The following SIRPB2 variants were observed in gnomAD, a reference collection of about 807,000 sequenced individuals.
The protein encoded by SIRPB2 is signal regulatory protein beta 2, also known as signal-regulatory protein beta-2.
Under a neutral mutation model 27.1 loss-of-function variants are expected in SIRPB2, and 18 were observed. The observed-to-expected ratio is 0.66, with a 90% CI of 0.46 to 0.98. SIRPB2 has a LOEUF of 0.98. Ranked by LOEUF, SIRPB2 falls within the 50% of genes least tolerant of loss-of-function variation. The probability of loss-of-function intolerance (pLI) is 0.00; values close to 1 mark genes in which losing one functional copy is unlikely to be tolerated. For missense variants in SIRPB2, 420 were observed against 417.4 expected (o/e 1.01, Z -0.06); for synonymous variants, 150 against 164.6 (o/e 0.91, Z 0.68).
chr20:1,477,138 T>C, intron 4 of SIRPB2, 200 bp downstream of exon 4: 2 of 1,540,188 alleles, frequency 1.3e-6, no homozygotes, highest in South Asian at 1.2e-5. Flanking sequence ...GCCCTGGCTA[T>C]GAGAAAGTTC....
At chr20:1,488,761 C>T (rs553114849) in intron 1 of SIRPB2, among the ~76,000 whole-genome samples, 16 of 152,264 alleles carry the variant, frequency 1.1e-4, no homozygotes, top group East Asian at 1.9e-4. Flanking sequence ...CATCCTCCTA[C>T]ATTGCTGATG....
chr20:1,487,793 T>C (rs73071151), intron 1 of SIRPB2, among the ~76,000 whole-genome samples: 21 of 152,342 alleles, frequency 1.4e-4, no homozygotes, highest in Non-Finnish European at 3.1e-4. Flanking sequence ...CCATGGCTCC[T>C]AACTATAATT....
Position 1,476,018 on chromosome 20 carries a change from T to C in SIRPB2, c.*149A>G. 1 of 844,984 alleles carries C rather than the reference T, an allele frequency of 1.2e-6. No individual in the cohort carries two copies. The highest frequency in any genetic ancestry group is 1.8e-6 in the Non-Finnish European group (1 of 546,906). 52.3% of individuals were successfully genotyped at this position (844,984 alleles called of 1,614,324 possible). A position where few individuals can be genotyped will look rare whatever the true frequency, so the allele number is the denominator to read the frequency against. On this transcript the variant is annotated 3_prime_UTR_variant, in exon 5 of 5. Transcript: ENST00000359801. ...GAAGCCCGGTGCAAAGAAGGGAATT[T>C]CACTAGGTGGACCAAAACCAGATGT...
intron 1 of SIRPB2, among the ~76,000 whole-genome samples, chr20:1,482,820 C>T (rs1258253912): frequency 1.3e-5 from 2 of 151,680 alleles, no homozygotes; most frequent in Non-Finnish European, 2.9e-5. Context: ...CTTGGGGACA[C>T]TATATATATG....
In SIRPB2 at chr20:1,478,336, G is replaced by A; in HGVS notation, c.723C>T (p.Tyr241=). ...NVSSEDAGTY[Y]CVKFQRKPNR... ...TGGGTTTCCTCTGAAACTTTACACA[G>A]TAATAGGTGCCTGCATCCTCACTGG... The change falls in exon 3 of 5, where the codon TAC becomes TAT. Residue 241 remains tyrosine (Y), a synonymous_variant. Transcript: ENST00000359801. 2.5e-6 allele frequency: 4 copies of A among 1,614,234 alleles called. No individual in the cohort carries two copies. Among genetic ancestry groups the A allele is most frequent in the Non-Finnish European group, 3.4e-6 (4 of 1,180,054 alleles).
At chr20:1,473,706 G>A, downstream of SIRPB2, 1 of 374,006 alleles carries the variant, frequency 2.7e-6, no homozygotes, top group Non-Finnish European at 5.4e-6. Flanking sequence ...CAGGATCTGG[G>A]GAGATGAGGT....
chr20:1,491,369 T>A lies in SIRPB2; in HGVS notation c.-10A>T. On this transcript the variant is annotated 5_prime_UTR_variant, in exon 1 of 5. Coordinates refer to ENST00000359801, the MANE Select transcript of SIRPB2 (RefSeq NM_001122962.2). Reference sequence around the variant, plus strand: ...ACATCGTGGAGCACATGGCATCTTCTGTGGTCCCCAAGACTTGGGGCTCCT... The same window carrying A: ...ACATCGTGGAGCACATGGCATCTTCAGTGGTCCCCAAGACTTGGGGCTCCT... The A allele has an allele frequency of 6.2e-7, 1 of 1,604,836 alleles. No homozygotes were observed. Among genetic ancestry groups the A allele is most frequent in the Non-Finnish European group, 8.5e-7 (1 of 1,176,520 alleles).
chr20:1,486,703 C>G (rs991675732), intron 1 of SIRPB2, among the ~76,000 whole-genome samples: 6 of 152,106 alleles, frequency 3.9e-5, no homozygotes, highest in African/African-American at 1.4e-4. Flanking sequence ...TAAACTAACA[C>G]ACACACACAC....
downstream of SIRPB2, chr20:1,473,732 G>T (rs114147981): frequency 5.8e-3 from 2,434 of 417,484 alleles, 18 homozygotes; most frequent in Non-Finnish European, 9.4e-3. Flanking sequence ...GGGGTGGCAG[G>T]GACCAGCTCA....
chr20:1,479,622 C>T, intron 2 of SIRPB2, 78 bp downstream of exon 2: 1 of 1,564,888 alleles, frequency 6.4e-7, no homozygotes, highest in South Asian at 1.2e-5. Flanking sequence ...TGTGATACAG[C>T]ATGATACAGT....
chr20:1,473,852 G>A (rs1316693626), downstream of SIRPB2: 2 of 456,180 alleles, frequency 4.4e-6, no homozygotes, highest in African/African-American at 2.0e-5. Context: ...CGTGGCCGCT[G>A]TAACAGATCA....
chr20:1,481,842 G>A (rs1381046330), intron 1 of SIRPB2, among the ~76,000 whole-genome samples: 1 of 152,162 alleles, frequency 6.6e-6, no homozygotes. Flanking sequence ...TGTTATCACT[G>A]ATCCTTCCTG....
chr20:1,491,185 A>C, intron 1 of SIRPB2, 90 bp downstream of exon 1: 2 of 1,211,318 alleles, frequency 1.7e-6, no homozygotes, highest in South Asian at 2.9e-5. Flanking sequence ...TCATGGGGTC[A>C]AGCTTCTTCA....
rs564764226 is a variant in SIRPB2 at position 1,489,007 on chromosome 20, A to G, written c.85+2268T>C. On this transcript the variant is annotated intron_variant, in intron 1 of 4. Transcript: ENST00000359801. ...GGTGAATGGGAAAGGGTTTATCCATACAATGGATAGACATGAGAAGAAATG... is the reference window on the plus strand; with the variant it reads ...GGTGAATGGGAAAGGGTTTATCCATGCAATGGATAGACATGAGAAGAAATG... 7.2e-5 allele frequency among the ~76,000 whole-genome samples: 11 copies of G among 152,374 alleles called. No individual in the cohort carries two copies. In the East Asian group the frequency reaches 2.1e-3, roughly 29 times the overall value.
chr20:1,491,209 A>C, intron 1 of SIRPB2, 66 bp downstream of exon 1: 1 of 1,405,104 alleles, frequency 7.1e-7, no homozygotes, highest in Non-Finnish European at 9.8e-7. Context: ...ATGGCAGAGC[A>C]CTTAGTGCCC....
Position 1,474,946 on chromosome 20 carries a change from T to C in SIRPB2, c.*1221A>G, listed in dbSNP as rs554985798. ...GATGTTCCGTGATGGGAAGGGACTCTGATTAGTCACTGAGGGTGCACAGGG... is the reference window on the plus strand; with the variant it reads ...GATGTTCCGTGATGGGAAGGGACTCCGATTAGTCACTGAGGGTGCACAGGG... On this transcript the variant is annotated 3_prime_UTR_variant, in exon 5 of 5. Transcript: ENST00000359801. The C allele has an allele frequency of 2.0e-5, 3 of 152,420 alleles. No homozygotes were observed. In the South Asian group the frequency reaches 6.2e-4, roughly 32 times the overall value. 9.4% of individuals were successfully genotyped at this position (152,420 alleles called of 1,614,324 possible). A position where few individuals can be genotyped will look rare whatever the true frequency, so the allele number is the denominator to read the frequency against.
rs1388985382 is a variant in SIRPB2, at chr20:1,477,391, G to A, written c.806C>T (p.Ser269Phe). 2 of 1,613,128 alleles carry A rather than the reference G, an allele frequency of 1.2e-6. No individual in the cohort carries two copies. ...ACTGGTGAATTCTGCCTCTTTGGAAGAGGTAGATTTTGCTGCAAGGGAGAG... is the reference window on the plus strand; with the variant it reads ...ACTGGTGAATTCTGCCTCTTTGGAAAAGGTAGATTTTGCTGCAAGGGAGAG... ...TSLKVKAKST[S>F]SKEAEFTSEP... The change falls in exon 4 of 5, where the codon TCT (serine) becomes TTT (phenylalanine). Residue 269 changes from serine to phenylalanine, a missense_variant. Transcript: ENST00000359801.
chr20:1,488,309 A>C (rs984198031), intron 1 of SIRPB2, among the ~76,000 whole-genome samples: 1 of 152,204 alleles, frequency 6.6e-6, no homozygotes, highest in Admixed American at 6.5e-5. Context: ...CATGATGTAA[A>C]AAATGTTCAG....
chr20:1,480,232 G>T, intron 1 of SIRPB2, 167 bp from the exon 2 acceptor site: 2 of 889,638 alleles, frequency 2.2e-6, no homozygotes, highest in Non-Finnish European at 3.3e-6. Flanking sequence ...GCTGGCTGCA[G>T]AGAGAGAACT....
Sources: gnomAD v4.1 joint callset for allele counts (sites outside exome capture counted in the v4.1 genomes callset) on GRCh38, gnomAD v4.1.1 for gene constraint, MANE v1.5 for transcripts, NCBI Gene and HGNC (gene_info 2026-07-23, HGNC 2026-07-21) for gene names.